ANKRD11: variants seen among roughly 807,000 people sequenced by gnomAD.
ANKRD11 encodes the protein ankyrin repeat domain 11, also known as ankyrin repeat domain-containing protein 11.
Under a neutral mutation model 195.7 loss-of-function variants are expected in ANKRD11, and 17 were observed. The ratio of observed to expected loss-of-function variants is 0.09; its 90% CI spans 0.06 to 0.13. ANKRD11 has a LOEUF of 0.13. Among genes scored for constraint, ANKRD11 ranks in the 10% least tolerant of loss-of-function variants. The pLI is 1.00. For synonymous variants in ANKRD11, 1,953 were observed against 1,528.1 expected (o/e 1.28, Z -6.49); for missense variants, 3,735 against 3,566.1 (o/e 1.05, Z -1.21).
At chr16:89,371,627 T>G (rs548961794) in intron 2 of ANKRD11, among the ~76,000 whole-genome samples, 1 of 152,200 alleles carries the variant, frequency 6.6e-6, no homozygotes, top group Admixed American at 6.5e-5. Context: ...CCTGCCCACA[T>G]GACGACACCC....
intron 2 of ANKRD11, among the ~76,000 whole-genome samples, chr16:89,416,956 C>T (rs933499593): frequency 1.3e-5 from 2 of 152,162 alleles, no homozygotes; most frequent in African/African-American, 4.8e-5. Flanking sequence ...CACAACCAGG[C>T]TCAGTCCACC....
At chr16:89,413,189 T>A (rs2042165315) in intron 2 of ANKRD11, among the ~76,000 whole-genome samples, 1 of 152,222 alleles carries the variant, frequency 6.6e-6, no homozygotes, top group South Asian at 2.1e-4. Context: ...TAGCCACAGA[T>A]AATTCCTCAG....
At position 89,291,252 on chromosome 16, in the gene ANKRD11, T is replaced by C. The variant is rs1022043669; in HGVS notation, c.227-69A>G. 6.3e-7 allele frequency: 1 copy of C among 1,580,876 alleles called. No homozygotes were observed. Among genetic ancestry groups the C allele is most frequent in the African/African-American group, 1.3e-5 (1 of 74,252 alleles). On this transcript the variant is annotated intron_variant, in intron 4 of 12. Transcript: ENST00000301030. This position sits in a 1 kb window ranked among gnomAD's most constrained non-coding sequence, Gnocchi z 5.3. ...ATGGTGTCCTCCAAAGCTAGGTCCT[T>C]ACCTAATGTTACGGAGCCCCCTGCG...
At chr16:89,470,048 G>GAT (rs2057022485) in intron 1 of ANKRD11, among the ~76,000 whole-genome samples, 1 of 150,276 alleles carries the variant, frequency 6.7e-6, no homozygotes, top group African/African-American at 2.4e-5. Context: ...TGGGACTACA[G>GAT]GCGCCCGCCA....
rs145210725 is a variant in ANKRD11 at position 89,311,915 on chromosome 16, C to T, written c.87+5018G>A. 3.8e-3 allele frequency among the ~76,000 whole-genome samples: 585 copies of T among 152,096 alleles called. 1 individual carries two copies. Among genetic ancestry groups the T allele is most frequent in the African/African-American group, 0.011 (461 of 41,476 alleles). On this transcript the variant is annotated intron_variant, in intron 3 of 12. Transcript: ENST00000301030. Reference sequence around the variant, plus strand: ...GGACTTCCACTTCTTTTTTCTTCCCCGACACAGATTCTCACTCTGTCACCC... The same window carrying T: ...GGACTTCCACTTCTTTTTTCTTCCCTGACACAGATTCTCACTCTGTCACCC...
In ANKRD11 at chr16:89,284,692, CCCT is replaced by C. The variant is rs1461501748; in HGVS notation, c.1847_1849del (p.Glu616del). 1 of 1,613,854 alleles carries C rather than the reference CCCT, an allele frequency of 6.2e-7. No individual in the cohort carries two copies. Among genetic ancestry groups the C allele is most frequent in the African/African-American group, 1.3e-5 (1 of 74,900 alleles). On this transcript the variant is annotated inframe_deletion, in exon 9 of 13. Transcript: ENST00000301030. ...CTCCTTGTCCAGTTTGGGGACAGCGCCCTCCGCGCTGGACAGGAAGGGGCTCTT... is the reference window on the plus strand; with the variant it reads ...CTCCTTGTCCAGTTTGGGGACAGCGCCCGCGCTGGACAGGAAGGGGCTCTT...
intron 12 of ANKRD11, among the ~76,000 whole-genome samples, chr16:89,269,377 C>T (rs1024312505): frequency 1.3e-5 from 2 of 152,136 alleles, no homozygotes; most frequent in African/African-American, 4.8e-5. Flanking sequence ...ATGTCTGTCT[C>T]TAAATTTTTC....
rs151124308 is a variant in ANKRD11, at chr16:89,284,817, G to A, written c.1725C>T (p.Ser575=). 78 of 1,613,804 alleles carry A rather than the reference G, an allele frequency of 4.8e-5. No individual in the cohort carries two copies. The highest frequency in any genetic ancestry group is 4.8e-4 in the South Asian group (44 of 91,064). The part of the protein sequence containing the change: ...LSDSTRTRLT[S]ESDYSSEGSS... ...AGCCCTCAGAGGAGTAGTCAGACTC[G>A]CTTGTCAGTCTCGTCCTTGTGGAGT... Residue 575 remains serine, a synonymous_variant, in exon 9 of 13, where the codon AGC becomes AGT. Coordinates refer to ENST00000301030, the MANE Select transcript of ANKRD11 (RefSeq NM_013275.6).
intron 1 of ANKRD11, among the ~76,000 whole-genome samples, chr16:89,436,906 A>G (rs1452418773): frequency 6.6e-6 from 1 of 152,236 alleles, no homozygotes. Flanking sequence ...AAGCTAACTG[A>G]ATAAAATTTA....
Position 89,280,466 on chromosome 16 carries a change from C to G in ANKRD11, c.6076G>C (p.Ala2026Pro). The G allele has an allele frequency of 2.5e-6, 4 of 1,598,742 alleles. No homozygotes were observed. The highest frequency in any genetic ancestry group is 1.7e-5 in the Admixed American group (1 of 58,566). Residue 2026 changes from alanine (A) to proline (P), a missense_variant, in exon 9 of 13, where the codon GCT becomes CCT. Ala to Pro is a conservative substitution (Grantham distance 27, BLOSUM62 -1). Transcript: ENST00000301030. Reference sequence around the variant, plus strand: ...AGCCCCGGCTCAGCGACGGGCAGAGCGTACGGGGCAGGAGAGGCGGGAGGG... The same window carrying G: ...AGCCCCGGCTCAGCGACGGGCAGAGGGTACGGGGCAGGAGAGGCGGGAGGG... ...PAPPASPAPYALPVAEPGLED... is the reference protein window; with the variant it reads ...PAPPASPAPYPLPVAEPGLED...
intron 7 of ANKRD11, 48 bp downstream of exon 7, chr16:89,288,480 C>G: frequency 1.9e-6 from 3 of 1,613,728 alleles, no homozygotes; most frequent in Non-Finnish European, 2.5e-6. Flanking sequence ...ACAGAACCAC[C>G]CAGATGCCAG....
rs60248736 is a variant in ANKRD11 at position 89,337,007 on chromosome 16, C to CAAAAAAAAAA, written c.-59-19939_-59-19930dup. 1.3e-4 allele frequency among the ~76,000 whole-genome samples: 6 copies of CAAAAAAAAAA among 47,742 alleles called. 1 individual carries two copies. The highest frequency in any genetic ancestry group is 2.2e-4 in the Non-Finnish European group (6 of 26,770). 31.3% of individuals were successfully genotyped at this position (47,742 alleles called of 152,430 possible). On this transcript the variant is annotated intron_variant, in intron 2 of 12. Transcript: ENST00000301030. ...CAACATGGTGAAACCCTGGCTCTAC[C>CAAAAAAAAAA]AAAAAAAAAAAAAAAAAAAAAAAAA...
At chr16:89,422,540 T>C (rs141942931) in intron 1 of ANKRD11, among the ~76,000 whole-genome samples, 83 of 152,280 alleles carry the variant, frequency 5.5e-4, no homozygotes, top group African/African-American at 1.9e-3. Context: ...CTTTTCAATA[T>C]GTCAAGTAAT....
chr16:89,421,710 G>C (rs1439099890), intron 1 of ANKRD11, among the ~76,000 whole-genome samples: 1 of 139,298 alleles, frequency 7.2e-6, no homozygotes, highest in Non-Finnish European at 1.5e-5. Flanking sequence ...GTCCACGTCT[G>C]GGGGTGGGGG....
chr16:89,329,369 G>A (rs1394123780), intron 2 of ANKRD11, among the ~76,000 whole-genome samples: 1 of 152,140 alleles, frequency 6.6e-6, no homozygotes, highest in Non-Finnish European at 1.5e-5. Flanking sequence ...GCAACTTCCT[G>A]TGAGTCTATA....
chr16:89,268,390 G>T lies in ANKRD11; in HGVS notation c.*88C>A. The T allele has an allele frequency of 1.6e-6, 1 of 621,280 alleles. No individual in the cohort carries two copies. Among genetic ancestry groups the T allele is most frequent in the Non-Finnish European group, 2.7e-6 (1 of 363,704 alleles). The allele number at this position is 621,280 out of a possible 1,614,324, so 38.5% of individuals were successfully genotyped here. On this transcript the variant is annotated 3_prime_UTR_variant, in exon 13 of 13. Coordinates refer to ENST00000301030, the MANE Select transcript of ANKRD11 (RefSeq NM_013275.6). ...GGGTCTCTCCCCGCCCGGGTGGACAGGGCGCTCCCTCCTCCGCCCCTGGGG... is the reference window on the plus strand; with the variant it reads ...GGGTCTCTCCCCGCCCGGGTGGACATGGCGCTCCCTCCTCCGCCCCTGGGG...
Position 89,283,353 on chromosome 16 carries a change from C to T in ANKRD11, c.3189G>A (p.Lys1063=), listed in dbSNP as rs781627778. 2.5e-6 allele frequency: 4 copies of T among 1,613,620 alleles called. No individual in the cohort carries two copies. The highest frequency in any genetic ancestry group is 4.5e-5 in the East Asian group (2 of 44,888). ...TGCCATGTGTGTCTTTATGTTTTTC[C>T]TTGGTATCTTTTTTCTCTTTAAAAC... ...DKCFKEKKDT[K]EKHKDTHGKD... Residue 1063 remains lysine (K), a synonymous_variant, in exon 9 of 13, where the codon AAG becomes AAA. Coordinates refer to ENST00000301030, the MANE Select transcript of ANKRD11 (RefSeq NM_013275.6). The surrounding 1 kb of genome is among the most constrained non-coding windows in gnomAD (Gnocchi z 4.3).
chr16:89,278,964 G>T lies in ANKRD11; in HGVS notation c.7470+108C>A, dbSNP rs756044560. On this transcript the variant is annotated intron_variant, in intron 9 of 12. Transcript: ENST00000301030. Reference sequence around the variant, plus strand: ...CCTCAGGTGGCAGAAGGTCGAGAGAGGTCAAGGGCCATGAGTGGGACAAGA... The same window carrying T: ...CCTCAGGTGGCAGAAGGTCGAGAGATGTCAAGGGCCATGAGTGGGACAAGA... The T allele has an allele frequency of 4.0e-6, 6 of 1,512,838 alleles. No homozygotes were observed. In the Middle Eastern group the frequency reaches 1.0e-3, roughly 255 times the overall value. The allele number at this position is 1,512,838 out of a possible 1,614,324, so 93.7% of individuals were successfully genotyped here.
In ANKRD11 at chr16:89,280,130, G is replaced by A. The variant is rs756711225; in HGVS notation, c.6412C>T (p.Leu2138=). Residue 2138 remains leucine, a synonymous_variant, in exon 9 of 13, where the codon CTG becomes TTG. Coordinates refer to ENST00000301030, the MANE Select transcript of ANKRD11 (RefSeq NM_013275.6). ...EDDLDLGPFS[L]PELPLQTKDA... is the part of the protein sequence containing the mutation. Reference sequence around the variant, plus strand: ...TTAGTCTGCAGGGGAAGCTCCGGCAGGGAGAAGGGCCCCAGGTCCAGGTCG... The same window carrying A: ...TTAGTCTGCAGGGGAAGCTCCGGCAAGGAGAAGGGCCCCAGGTCCAGGTCG... 9 of 1,612,226 alleles carry A rather than the reference G, an allele frequency of 5.6e-6. No homozygotes were observed. The highest frequency in any genetic ancestry group is 2.2e-5 in the South Asian group (2 of 90,968).
Sources: allele counts gnomAD v4.1 joint callset (sites outside exome capture counted in the v4.1 genomes callset), GRCh38; gene constraint gnomAD v4.1.1; non-coding constraint Gnocchi (gnomAD v3.1); transcripts MANE v1.5; gene names NCBI Gene and HGNC (gene_info 2026-07-23, HGNC 2026-07-21).